Variants in IRAK2 observed in about 807,000 individuals in gnomAD.
The protein encoded by IRAK2 is interleukin-1 receptor-associated kinase-like 2.
In IRAK2, 57 loss-of-function variants were observed where a neutral mutation model predicts 72.0. The observed-to-expected ratio is 0.79, with a 90% CI of 0.64 to 0.99. IRAK2 has a LOEUF of 0.99. IRAK2 is among the 50% of genes least tolerant of loss of function. IRAK2 has a pLI of 0.00. For missense variants in IRAK2, 790 were observed against 794.4 expected, an observed-to-expected ratio of 0.99 and a Z score of 0.07; for synonymous variants, 293 against 312.7, an observed-to-expected ratio of 0.94 and a Z score of 0.67.
At chr3:10,241,801 C>CAA (rs4019566) in intron 12 of IRAK2, among the ~76,000 whole-genome samples, 103 of 83,026 alleles carry the variant, frequency 1.2e-3, no homozygotes, top group Non-Finnish European at 1.7e-3. Flanking sequence ...GACTCCATCT[C>CAA]AAAAAAAAAA....
intron 12 of IRAK2, among the ~76,000 whole-genome samples, chr3:10,239,474 C>T (rs1436849812): frequency 2.0e-5 from 3 of 151,854 alleles, no homozygotes; most frequent in East Asian, 1.9e-4. Flanking sequence ...TTTGGGAGGC[C>T]GAGGCGGGTG....
At chr3:10,189,687 C>A (rs1697143732) in intron 2 of IRAK2, among the ~76,000 whole-genome samples, 1 of 152,186 alleles carries the variant, frequency 6.6e-6, no homozygotes, top group South Asian at 2.1e-4. Context: ...CATTTCCTTC[C>A]TGGAGCTGGG....
At chr3:10,221,567 T>G (rs898578898) in intron 8 of IRAK2, among the ~76,000 whole-genome samples, 12 of 151,836 alleles carry the variant, frequency 7.9e-5, no homozygotes, top group African/African-American at 2.7e-4. Context: ...AAAATTTTTT[T>G]TTGAGACAGG....
chr3:10,206,831 C>T (rs1697440522), intron 3 of IRAK2, among the ~76,000 whole-genome samples: 1 of 150,660 alleles, frequency 6.6e-6, no homozygotes, highest in African/African-American at 2.4e-5. Flanking sequence ...GCTGGGATTA[C>T]AGGTGTGAGC....
intron 9 of IRAK2, among the ~76,000 whole-genome samples, chr3:10,225,737 C>T (rs1472212044): frequency 4.0e-5 from 6 of 148,410 alleles, no homozygotes; most frequent in Non-Finnish European, 5.9e-5. Context: ...CTTGCTCTGT[C>T]GCCCAGGCTG....
At chr3:10,193,792 G>T (rs979717793) in intron 2 of IRAK2, among the ~76,000 whole-genome samples, 2 of 152,340 alleles carry the variant, frequency 1.3e-5, no homozygotes, top group East Asian at 1.9e-4. Flanking sequence ...TCCAGTGTGT[G>T]ACTGAGGCTG....
intron 6 of IRAK2, among the ~76,000 whole-genome samples, chr3:10,214,218 C>T (rs11465899): frequency 0.31 from 46,395 of 151,654 alleles, 8,126 homozygotes; most frequent in Admixed American, 0.4. Context: ...CGTGAGCCAC[C>T]GTGCCTGACT....
intron 10 of IRAK2, among the ~76,000 whole-genome samples, chr3:10,227,521 A>G (rs1024750601): frequency 6.6e-6 from 1 of 152,008 alleles, no homozygotes; most frequent in Admixed American, 6.6e-5. Flanking sequence ...TACCTAAATC[A>G]TCTCAATTTT....
intron 4 of IRAK2, among the ~76,000 whole-genome samples, chr3:10,211,224 C>T (rs1353745584): frequency 6.6e-6 from 1 of 152,052 alleles, no homozygotes; most frequent in African/African-American, 2.4e-5. Context: ...TCACTGAAAC[C>T]TCTGGTTCCC....
chr3:10,226,225 C>T, intron 9 of IRAK2, 146 bp from the exon 10 acceptor site: 5 of 570,664 alleles, frequency 8.8e-6, no homozygotes, highest in Non-Finnish European at 1.6e-5. Flanking sequence ...GTGATATTCC[C>T]ATGTTCCAGA....
At chr3:10,233,325 T>G (rs1462888953) in intron 10 of IRAK2, among the ~76,000 whole-genome samples, 3 of 152,184 alleles carry the variant, frequency 2.0e-5, no homozygotes, top group Non-Finnish European at 4.4e-5. Context: ...GTGCTGGGAT[T>G]ACAGGCATGA....
intron 1 of IRAK2, among the ~76,000 whole-genome samples, chr3:10,168,620 G>C (rs1181433442): frequency 6.6e-6 from 1 of 152,156 alleles, no homozygotes; most frequent in Non-Finnish European, 1.5e-5. Context: ...CTTTTCCTGT[G>C]CTTGTTGGCC....
chr3:10,176,047 TC>T (rs1490679698), intron 1 of IRAK2, among the ~76,000 whole-genome samples: 1 of 149,772 alleles, frequency 6.7e-6, no homozygotes, highest in Non-Finnish European at 1.5e-5. Flanking sequence ...GTGTAACTTT[TC>T]CCCCTGTATT....
chr3:10,187,206 C>T (rs992206016), intron 2 of IRAK2, among the ~76,000 whole-genome samples: 2 of 147,734 alleles, frequency 1.4e-5, no homozygotes, highest in South Asian at 4.1e-4. Flanking sequence ...AATGTACTTA[C>T]ATTTCTTCCA....
intron 7 of IRAK2, among the ~76,000 whole-genome samples, chr3:10,219,183 C>A (rs1435681889): frequency 6.6e-6 from 1 of 152,148 alleles, no homozygotes; most frequent in Admixed American, 6.6e-5. Context: ...CAGAGCAAGA[C>A]CTGTCTCAAA....
chr3:10,191,850 G>A (rs1213672044), intron 2 of IRAK2, among the ~76,000 whole-genome samples: 14 of 152,142 alleles, frequency 9.2e-5, no homozygotes, highest in Admixed American at 9.2e-4. Flanking sequence ...CGGCAGTTTT[G>A]ATAAAGGATT....
At chr3:10,201,746 C>T (rs955799790) in intron 3 of IRAK2, among the ~76,000 whole-genome samples, 16 of 152,238 alleles carry the variant, frequency 1.1e-4, no homozygotes, top group African/African-American at 3.4e-4. Flanking sequence ...CCCTGGAGCC[C>T]TGCCTCACCT....
intron 9 of IRAK2, among the ~76,000 whole-genome samples, 175 bp downstream of exon 9, chr3:10,223,006 C>G (rs529310519): frequency 6.6e-6 from 1 of 152,306 alleles, no homozygotes; most frequent in Admixed American, 6.5e-5. Context: ...TTTGTATGGT[C>G]TGTGAGCTAA....
At chr3:10,214,391 CTTTTT>C (rs534445139) in intron 6 of IRAK2, among the ~76,000 whole-genome samples, 9 of 95,412 alleles carry the variant, frequency 9.4e-5, no homozygotes, top group Admixed American at 1.3e-4. Context: ...TCATTTTTTG[CTTTTT>C]TTTTTTTTTT....
Sources: allele counts gnomAD v4.1 joint callset (sites outside exome capture counted in the v4.1 genomes callset), GRCh38; gene constraint gnomAD v4.1.1; transcripts MANE v1.5; gene names NCBI Gene and HGNC (gene_info 2026-07-23, HGNC 2026-07-21).